ATP2C1: variants seen among roughly 807,000 people sequenced by gnomAD.
ATP2C1 encodes calcium-transporting ATPase type 2C member 1.
A neutral mutation model predicts 120.5 loss-of-function variants in ATP2C1; 31 were observed. That is an observed-to-expected ratio of 0.26 (90% confidence interval 0.19 to 0.35). The LOEUF (loss-of-function observed/expected upper bound fraction) is 0.35. Ranked by LOEUF, ATP2C1 falls within the 10% of genes least tolerant of loss-of-function variation. The pLI, the probability that ATP2C1 is intolerant of heterozygous loss-of-function variation, is 1.00. For synonymous variants in ATP2C1, 351 were observed against 358.7 expected, an observed-to-expected ratio of 0.98 and a Z score of 0.24; for missense variants, 731 against 1,107.5, an observed-to-expected ratio of 0.66 and a Z score of 4.83.
chr3:130,881,985 T>C (rs1012903879), intron 1 of ATP2C1, among the ~76,000 whole-genome samples: 1 of 152,222 alleles, frequency 6.6e-6, no homozygotes, highest in African/African-American at 2.4e-5. Flanking sequence ...TATATAGTCA[T>C]ATCATCTGCA....
At chr3:130,866,602 T>C (rs2068184323) in intron 1 of ATP2C1, among the ~76,000 whole-genome samples, 1 of 152,170 alleles carries the variant, frequency 6.6e-6, no homozygotes, top group Admixed American at 6.5e-5. Flanking sequence ...TTGCTAACTT[T>C]GTTCTTATTC....
chr3:130,892,340 T>TA (rs2069201871), upstream of ATP2C1, among the ~76,000 whole-genome samples: 1 of 152,244 alleles, frequency 6.6e-6, no homozygotes, highest in Non-Finnish European at 1.5e-5. Context: ...ATATGTACAG[T>TA]AATAACTGTT....
intron 2 of ATP2C1, among the ~76,000 whole-genome samples, chr3:130,926,009 G>C (rs2059187587): frequency 6.6e-6 from 1 of 152,136 alleles, no homozygotes; most frequent in Non-Finnish European, 1.5e-5. Context: ...TCTTTTTCCA[G>C]GTAGCCGGTT....
At chr3:130,972,203 A>G (rs77992883) in intron 17 of ATP2C1, among the ~76,000 whole-genome samples, 24 of 152,330 alleles carry the variant, frequency 1.6e-4, no homozygotes, top group African/African-American at 5.8e-4. Flanking sequence ...CTGACCTGAC[A>G]GGAGATTGAG....
chr3:130,982,581 T>A (rs115275773), intron 20 of ATP2C1, among the ~76,000 whole-genome samples: 2,037 of 152,322 alleles, frequency 0.013, 39 homozygotes, highest in African/African-American at 0.046. Flanking sequence ...TCTATTTGTA[T>A]GTCCTTCAAA....
At chr3:130,970,435 T>C (rs917654434) in intron 17 of ATP2C1, among the ~76,000 whole-genome samples, 1 of 149,960 alleles carries the variant, frequency 6.7e-6, no homozygotes, top group African/African-American at 2.5e-5. Flanking sequence ...CTCTTTTGCC[T>C]AGGCTGAGTG....
chr3:130,993,910 C>T lies in ATP2C1; in HGVS notation c.1891-22C>T, dbSNP rs753281287. ...TTTTTATCAAAATTCCTTCCTCTCC[C>T]CTGTCCTCTGCTCCACTCTAGTCGC... On this transcript the variant is annotated intron_variant, in intron 21 of 27. Coordinates refer to ENST00000510168, the MANE Select transcript of ATP2C1 (RefSeq NM_001378687.1). The T allele has an allele frequency of 3.7e-6, 6 of 1,613,760 alleles. No individual in the cohort carries two copies. In the Admixed American group the frequency reaches 6.7e-5, roughly 18 times the overall value.
chr3:130,941,222 CAGTGTG>C (rs1228951552), intron 7 of ATP2C1, among the ~76,000 whole-genome samples: 172 of 105,206 alleles, frequency 1.6e-3, no homozygotes, highest in African/African-American at 5.4e-3. Flanking sequence ...CTGTATTTAA[CAGTGTG>C]TGTGTGTGTG....
intron 23 of ATP2C1, 54 bp downstream of exon 23, chr3:130,996,165 A>G: frequency 7.9e-7 from 1 of 1,269,080 alleles, no homozygotes. Context: ...TTATATGAAA[A>G]GTAGAACTTA....
rs1560038999 is a variant in ATP2C1 at position 131,001,628 on chromosome 3, A to T, written c.*278A>T. Reference sequence around the variant, plus strand: ...TATTTAATTAAAAAGGCAAAACCTGAACCACCTTCTGCACTTAAAGAAGTC... The same window carrying T: ...TATTTAATTAAAAAGGCAAAACCTGTACCACCTTCTGCACTTAAAGAAGTC... On this transcript the variant is annotated 3_prime_UTR_variant, in exon 28 of 28. Transcript: ENST00000510168. 1 of 1,109,606 alleles carries T rather than the reference A, an allele frequency of 9.0e-7. No individual in the cohort carries two copies. Among genetic ancestry groups the T allele is most frequent in the Non-Finnish European group, 1.1e-6 (1 of 904,994 alleles). 68.7% of individuals were successfully genotyped at this position (1,109,606 alleles called of 1,614,324 possible). A position where few individuals can be genotyped will look rare whatever the true frequency, so the allele number is the denominator to read the frequency against.
At chr3:130,913,529 A>G (rs933319626) in intron 2 of ATP2C1, among the ~76,000 whole-genome samples, 7 of 152,238 alleles carry the variant, frequency 4.6e-5, no homozygotes, top group Non-Finnish European at 8.8e-5. Flanking sequence ...AAGACTGTAC[A>G]GCCTTACTGT....
At position 130,956,600 on chromosome 3, in the gene ATP2C1, G is replaced by GT. The variant is rs1278488814; in HGVS notation, c.832+430dup. Among the ~76,000 whole-genome samples, 388 of 150,102 alleles carry GT rather than the reference G, an allele frequency of 2.6e-3. 1 individual carries two copies. The highest frequency in any genetic ancestry group is 4.0e-3 in the African/African-American group (166 of 41,170). Reference sequence around the variant, plus strand: ...TCTAGACATTTAGGATTTTTTGAGGGTTTTTTTTTGGTCATATAAATACTT... The same window carrying GT: ...TCTAGACATTTAGGATTTTTTGAGGGTTTTTTTTTTGGTCATATAAATACTT... On this transcript the variant is annotated intron_variant, in intron 11 of 27. Coordinates refer to ENST00000510168, the MANE Select transcript of ATP2C1 (RefSeq NM_001378687.1).
rs2060199184 is a variant in ATP2C1 at position 130,947,422 on chromosome 3, C to G, written c.531+5723C>G. ...CACTCTCAAAGGAAAACCCTTACCT[C>G]TTAGCATTCATTCTGTATTTTCCCT... is the stretch of plus-strand genomic sequence containing the variant. On this transcript the variant is annotated intron_variant, in intron 8 of 27. Transcript: ENST00000510168. Among the ~76,000 whole-genome samples, 5 of 152,286 alleles carry G rather than the reference C, an allele frequency of 3.3e-5. No individual in the cohort carries two copies. The South Asian group carries it at 1.0e-3, about 32-fold the overall frequency.
intron 12 of ATP2C1, among the ~76,000 whole-genome samples, chr3:130,962,203 T>C (rs1218539921): frequency 3.3e-5 from 5 of 151,990 alleles, no homozygotes; most frequent in Admixed American, 2.6e-4. Context: ...TAAAAGGAAA[T>C]AGATTATGCA....
At chr3:130,850,782 C>T (rs2067651530) in exon 1 of ATP2C1, 2 of 998,068 alleles carry the variant, frequency 2.0e-6, no homozygotes. Flanking sequence ...TGGTTGCTGA[C>T]AAGGAGGTGC....
intron 1 of ATP2C1, among the ~76,000 whole-genome samples, chr3:130,874,535 A>T (rs1200966911): frequency 1.3e-5 from 2 of 152,082 alleles, no homozygotes; most frequent in African/African-American, 2.4e-5. Context: ...TCTAAACTAA[A>T]TTTTTTCCTC....
At chr3:130,885,025 C>T (rs1218688280) in intron 1 of ATP2C1, among the ~76,000 whole-genome samples, 2 of 150,962 alleles carry the variant, frequency 1.3e-5, no homozygotes, top group African/African-American at 4.9e-5. Context: ...CCTCCGCCTC[C>T]TGGGTTCAAG....
At chr3:130,958,078 T>C (rs774574364) in intron 11 of ATP2C1, among the ~76,000 whole-genome samples, 4 of 152,196 alleles carry the variant, frequency 2.6e-5, no homozygotes, top group Non-Finnish European at 4.4e-5. Flanking sequence ...AATTAAATCT[T>C]TGTAGTTTCT....
intron 20 of ATP2C1, among the ~76,000 whole-genome samples, chr3:130,987,194 C>T (rs974189159): frequency 6.6e-5 from 10 of 152,058 alleles, no homozygotes; most frequent in Non-Finnish European, 1.3e-4. Flanking sequence ...TGGAGTCTCA[C>T]CACGTGTTGC....
Sources: allele counts gnomAD v4.1 joint callset (sites outside exome capture counted in the v4.1 genomes callset), GRCh38; gene constraint gnomAD v4.1.1; transcripts MANE v1.5; gene names NCBI Gene and HGNC (gene_info 2026-07-23, HGNC 2026-07-21).